XRCC5: variants seen among roughly 807,000 people sequenced by gnomAD.
The protein encoded by XRCC5 is DNA repair protein Ku80.
In XRCC5, 12 loss-of-function variants were observed where a neutral mutation model predicts 95.7. The observed-to-expected ratio is 0.13, with a 90% CI of 0.08 to 0.20. The LOEUF (loss-of-function observed/expected upper bound fraction) is 0.20. Among genes scored for constraint, XRCC5 ranks in the 10% least tolerant of loss-of-function variants. XRCC5 has a pLI of 1.00. For synonymous variants in XRCC5, 281 were observed against 290.3 expected (o/e 0.97, Z 0.33); for missense variants, 595 against 873.9 (o/e 0.68, Z 4.02).
At chr2:216,155,054 C>G (rs1688816637) in intron 14 of XRCC5, among the ~76,000 whole-genome samples, 1 of 151,410 alleles carries the variant, frequency 6.6e-6, no homozygotes, top group Non-Finnish European at 1.5e-5. Flanking sequence ...AGTGAGACCT[C>G]ATCTCTACAA....
At chr2:216,195,048 A>G (rs1487709755) in intron 19 of XRCC5, 62 bp downstream of exon 19, 3 of 1,518,322 alleles carry the variant, frequency 2.0e-6, no homozygotes. Flanking sequence ...TTTTCTTGAT[A>G]CCCTCGAAGA....
chr2:216,185,103 C>G (rs1689471045), intron 16 of XRCC5, among the ~76,000 whole-genome samples: 1 of 152,134 alleles, frequency 6.6e-6, no homozygotes. Context: ...AGGACAGATC[C>G]CTGAACTCTA....
Position 216,138,128 on chromosome 2 carries a change from C to T in XRCC5, c.1291C>T (p.Arg431Trp), listed in dbSNP as rs111646015. The T allele has an allele frequency of 1.2e-6, 2 of 1,613,212 alleles. No homozygotes were observed. Among genetic ancestry groups the T allele is most frequent in the Non-Finnish European group, 8.5e-7 (1 of 1,179,894 alleles). ...GCAGCTGCCTTTCATGGAAGACTTG[C>T]GGCAATACATGTTTTCATCCTTGAA... ...YVQLPFMEDL[R>W]QYMFSSLKNS... The change falls in exon 12 of 21, where the codon CGG (arginine) becomes TGG (tryptophan). Residue 431 changes from arginine (R) to tryptophan (W), a missense_variant. Arg to Trp is a moderately radical substitution (Grantham distance 101, BLOSUM62 -3). This residue lies in a region of XRCC5 where 309 missense variants were observed against 382.9 expected (regional missense o/e 0.81). Transcript: ENST00000392132.
rs1163776208 is a variant in XRCC5 at position 216,174,194 on chromosome 2, G to A, written c.1834+12146G>A. ...TTTGAATTTTGAGATTGTTTCATTT[G>A]AAGGTCACCTTAATGCTCTTAAATT... On this transcript the variant is annotated intron_variant, in intron 16 of 20. Coordinates refer to ENST00000392132, the MANE Select transcript of XRCC5 (RefSeq NM_021141.4). 5.3e-5 allele frequency among the ~76,000 whole-genome samples: 8 copies of A among 152,128 alleles called. No individual in the cohort carries two copies. The South Asian group carries it at 1.0e-3, about 20-fold the overall frequency.
chr2:216,147,460 C>T (rs367590833), intron 13 of XRCC5, among the ~76,000 whole-genome samples: 38 of 152,118 alleles, frequency 2.5e-4, no homozygotes, highest in African/African-American at 8.9e-4. Flanking sequence ...TAGAAGGTGA[C>T]TGGTAGGCCA....
At chr2:216,198,303 T>C (rs1267172108) in intron 19 of XRCC5, among the ~76,000 whole-genome samples, 1 of 102,752 alleles carries the variant, frequency 9.7e-6, no homozygotes, top group African/African-American at 5.0e-5. Context: ...TAGAGCCAGG[T>C]GGTGGTTAGA....
At chr2:216,199,377 G>C (rs1321167121) in intron 19 of XRCC5, among the ~76,000 whole-genome samples, 1 of 152,192 alleles carries the variant, frequency 6.6e-6, no homozygotes, top group Non-Finnish European at 1.5e-5. Context: ...GATTCTTTGA[G>C]AAATAGAAGG....
intron 6 of XRCC5, 69 bp downstream of exon 6, chr2:216,122,322 C>T (rs1696825215): frequency 9.1e-6 from 13 of 1,422,112 alleles, no homozygotes; most frequent in Non-Finnish European, 1.2e-5. Context: ...GATTAGAGGT[C>T]TCCCAAATGT....
At chr2:216,185,561 A>C (rs1689479283) in intron 16 of XRCC5, among the ~76,000 whole-genome samples, 1 of 152,162 alleles carries the variant, frequency 6.6e-6, no homozygotes, top group South Asian at 2.1e-4. Context: ...TTAATAATGA[A>C]TTACCTGACC....
chr2:216,148,383 G>C lies in XRCC5; in HGVS notation c.1670+107G>C. On this transcript the variant is annotated intron_variant, in intron 14 of 20. Coordinates refer to ENST00000392132, the MANE Select transcript of XRCC5 (RefSeq NM_021141.4). ...TAGGGGTCTATGGAATTTAAAAGGT[G>C]AGAGGAAGAAGCCTTTTGCTATTTG... is the stretch of plus-strand genomic sequence containing the variant. The C allele has an allele frequency of 3.8e-6, 4 of 1,049,344 alleles. No homozygotes were observed. In the South Asian group the frequency reaches 7.1e-5, roughly 19 times the overall value. The allele number at this position is 1,049,344 out of a possible 1,614,324, so 65.0% of individuals were successfully genotyped here. A position where few individuals can be genotyped will look rare whatever the true frequency, so the allele number is the denominator to read the frequency against.
At chr2:216,173,556 T>C (rs1334090678) in intron 16 of XRCC5, among the ~76,000 whole-genome samples, 1 of 152,228 alleles carries the variant, frequency 6.6e-6, no homozygotes, top group Non-Finnish European at 1.5e-5. Flanking sequence ...TAAAATCCAG[T>C]CGTTCTATAA....
intron 14 of XRCC5, among the ~76,000 whole-genome samples, chr2:216,157,542 A>G (rs528654055): frequency 1.4e-5 from 2 of 145,336 alleles, no homozygotes; most frequent in African/African-American, 5.3e-5. Flanking sequence ...CAATACAACT[A>G]TTTTCTATCC....
chr2:216,138,299 AT>A, intron 12 of XRCC5, 120 bp downstream of exon 12: 1 of 806,570 alleles, frequency 1.2e-6, no homozygotes, highest in Non-Finnish European at 2.0e-6. Context: ...TGGATTTCCA[AT>A]CATACACTTA....
At chr2:216,171,509 T>C (rs1689164968) in intron 16 of XRCC5, among the ~76,000 whole-genome samples, 2 of 152,238 alleles carry the variant, frequency 1.3e-5, no homozygotes, top group South Asian at 2.1e-4. Context: ...CTTCAGTTAA[T>C]AGTCATAATT....
chr2:216,175,047 A>G (rs917376312), intron 16 of XRCC5: 5 of 316,620 alleles, frequency 1.6e-5, no homozygotes, highest in Non-Finnish European at 6.2e-6. Context: ...CAGAATCATT[A>G]TAGTTCCCAC....
chr2:216,116,517 C>T, intron 2 of XRCC5, 142 bp from the exon 3 acceptor site: 1 of 838,596 alleles, frequency 1.2e-6, no homozygotes, highest in Non-Finnish European at 1.9e-6. Context: ...CTGTAAGTCT[C>T]ATGTTTCATC....
rs1688935622 is a variant in XRCC5, at chr2:216,160,680, TTAATTA to T, written c.1764+520_1764+525del. Among the ~76,000 whole-genome samples, 4 of 151,890 alleles carry T rather than the reference TTAATTA, an allele frequency of 2.6e-5. No individual in the cohort carries two copies. The South Asian group carries it at 6.2e-4, about 24-fold the overall frequency. ...AATACTACCTTAATTAATTAATTAA[TTAATTA>T]ATTAATTTTTATATCTTGGTCAGCC... On this transcript the variant is annotated intron_variant, in intron 15 of 20. Coordinates refer to ENST00000392132, the MANE Select transcript of XRCC5 (RefSeq NM_021141.4).
At chr2:216,115,861 C>G (rs1696686785) in intron 2 of XRCC5, among the ~76,000 whole-genome samples, 1 of 151,678 alleles carries the variant, frequency 6.6e-6, no homozygotes, top group Non-Finnish European at 1.5e-5. Context: ...CTTCCTTACC[C>G]TTTTTTTCTC....
chr2:216,159,985 TTG>T, intron 14 of XRCC5, 81 bp from the exon 15 acceptor site: 9 of 645,628 alleles, frequency 1.4e-5, no homozygotes, highest in South Asian at 6.0e-5. Context: ...TTTTTTTTTT[TTG>T]GTGCTTGGAA....
Sources: allele counts gnomAD v4.1 joint callset (sites outside exome capture counted in the v4.1 genomes callset), GRCh38; gene constraint gnomAD v4.1.1; regional missense constraint gnomAD v4.1.1; transcripts MANE v1.5; gene names NCBI Gene and HGNC (gene_info 2026-07-23, HGNC 2026-07-21).